The following NTRK2 variants were observed in gnomAD, a reference collection of about 807,000 sequenced individuals.
NTRK2 encodes the protein BDNF/NT-3 growth factors receptor.
A neutral mutation model predicts 94.5 loss-of-function variants in NTRK2; 13 were observed. The observed-to-expected ratio is 0.14, with a 90% confidence interval of 0.09 to 0.22. The LOEUF is 0.22. Ranked by LOEUF, NTRK2 falls within the 10% of genes least tolerant of loss-of-function variation. The probability of loss-of-function intolerance (pLI) is 1.00; values close to 1 mark genes in which losing one functional copy is unlikely to be tolerated. For synonymous variants in NTRK2, 372 were observed against 407.4 expected, an observed-to-expected ratio of 0.91 and a Z score of 1.05; for missense variants, 639 against 1,071.2, an observed-to-expected ratio of 0.60 and a Z score of 5.63.
chr9:84,728,660 C>G (rs905193722), intron 9 of NTRK2, among the ~76,000 whole-genome samples: 3 of 152,020 alleles, frequency 2.0e-5, no homozygotes, highest in Non-Finnish European at 4.4e-5. Flanking sequence ...TTTTGCTTAC[C>G]CGGGCTGACT....
At chr9:84,786,088 G>A (rs532211957) in intron 12 of NTRK2, among the ~76,000 whole-genome samples, 2 of 152,266 alleles carry the variant, frequency 1.3e-5, no homozygotes, top group South Asian at 4.2e-4. Context: ...AGCACATTCA[G>A]CCACTGTATG....
intron 14 of NTRK2, chr9:84,877,189 G>C: frequency 2.8e-6 from 3 of 1,065,192 alleles, no homozygotes; most frequent in Non-Finnish European, 3.4e-6. Flanking sequence ...ATCTTAGCCA[G>C]ATTTGAGTCT....
chr9:84,969,331 A>G (rs1439432765), intron 17 of NTRK2, among the ~76,000 whole-genome samples: 1 of 152,262 alleles, frequency 6.6e-6, no homozygotes, highest in Non-Finnish European at 1.5e-5. Context: ...TTGCCTGAGC[A>G]TGAAACACTT....
At chr9:84,810,609 G>A (rs2071668532) in intron 12 of NTRK2, 1 of 1,613,908 alleles carries the variant, frequency 6.2e-7, no homozygotes, top group Admixed American at 1.7e-5. Context: ...AGAGAAAGGG[G>A]CTGTGGTGCT....
chr9:84,908,723 G>C (rs1287627419), intron 14 of NTRK2, among the ~76,000 whole-genome samples: 1 of 152,136 alleles, frequency 6.6e-6, no homozygotes, highest in Non-Finnish European at 1.5e-5. Flanking sequence ...TTATGATGCA[G>C]GTGGGACCAA....
At chr9:84,874,216 G>C in intron 14 of NTRK2, 1 of 1,065,438 alleles carries the variant, frequency 9.4e-7, no homozygotes, top group Non-Finnish European at 1.1e-6. Context: ...CACAGTTGCA[G>C]AGTAGCCTCC....
chr9:84,697,790 T>C (rs2060478470), intron 2 of NTRK2, among the ~76,000 whole-genome samples: 1 of 152,212 alleles, frequency 6.6e-6, no homozygotes, highest in South Asian at 2.1e-4. Context: ...AGCTGTTTGC[T>C]GTTTGGGTGG....
intron 15 of NTRK2, among the ~76,000 whole-genome samples, chr9:84,934,662 G>T (rs1390542704): frequency 2.0e-5 from 3 of 152,212 alleles, no homozygotes; most frequent in Non-Finnish European, 4.4e-5. Flanking sequence ...TCCAAGCTCA[G>T]CTGAAGCTTG....
intron 17 of NTRK2, among the ~76,000 whole-genome samples, chr9:84,969,480 A>T (rs1226171822): frequency 6.6e-6 from 1 of 152,246 alleles, no homozygotes; most frequent in Non-Finnish European, 1.5e-5. Context: ...TTCTGCATGC[A>T]AAAAAATAAA....
intron 6 of NTRK2, among the ~76,000 whole-genome samples, chr9:84,716,326 C>T (rs1306444478): frequency 2.0e-5 from 3 of 152,144 alleles, no homozygotes; most frequent in Non-Finnish European, 4.4e-5. Flanking sequence ...AAGGTCAGTT[C>T]ACAGGTGCCC....
chr9:84,880,634 A>C (rs912619478), intron 14 of NTRK2, among the ~76,000 whole-genome samples: 1 of 152,208 alleles, frequency 6.6e-6, no homozygotes, highest in Non-Finnish European at 1.5e-5. Flanking sequence ...GTGCTTCATA[A>C]AGTCAGGAGA....
rs201079236 is a variant in NTRK2, at chr9:84,873,773, T to C, written c.1633+6342T>C. 2.7e-5 allele frequency: 29 copies of C among 1,055,982 alleles called. No individual in the cohort carries two copies. The African/African-American group carries it at 4.6e-4, about 17-fold the overall frequency. 65.4% of individuals were successfully genotyped at this position (1,055,982 alleles called of 1,614,324 possible). On this transcript the variant is annotated intron_variant, in intron 14 of 18. Transcript: ENST00000277120. ...AGCATCTGACCATTGGGTAATATTA[T>C]TCTTTGTTATCAAAAGAGAAATATC...
intron 16 of NTRK2, among the ~76,000 whole-genome samples, chr9:84,950,563 C>A (rs2078744123): frequency 6.6e-6 from 1 of 150,954 alleles, no homozygotes; most frequent in African/African-American, 2.4e-5. Flanking sequence ...GCCTTGTATC[C>A]TCTCTAAGTT....
At chr9:84,669,143 G>T (rs2058543119), upstream of NTRK2, among the ~76,000 whole-genome samples, 1 of 152,202 alleles carries the variant, frequency 6.6e-6, no homozygotes, top group Non-Finnish European at 1.5e-5. The surrounding 1 kb of genome is among the most constrained non-coding windows in gnomAD (Gnocchi z 4.1). Flanking sequence ...AATGGGGGCG[G>T]TGATCCTTGG....
intron 12 of NTRK2, among the ~76,000 whole-genome samples, chr9:84,803,647 G>T (rs112177343): frequency 4.6e-5 from 7 of 152,276 alleles, no homozygotes; most frequent in African/African-American, 1.7e-4. Context: ...TTCACCTTGT[G>T]GGCTCCAGAT....
intron 12 of NTRK2, among the ~76,000 whole-genome samples, chr9:84,793,731 G>T (rs554261213): frequency 6.6e-6 from 1 of 152,306 alleles, no homozygotes; most frequent in South Asian, 2.1e-4. Context: ...TTCAGAGGGA[G>T]GGAAGAACAA....
chr9:84,757,273 A>G (rs2065166059), intron 12 of NTRK2, among the ~76,000 whole-genome samples: 1 of 152,228 alleles, frequency 6.6e-6, no homozygotes, highest in Non-Finnish European at 1.5e-5. Flanking sequence ...GGATGTTCCC[A>G]TCACCTTCTT....
chr9:84,787,147 A>G (rs2068200458), intron 12 of NTRK2, among the ~76,000 whole-genome samples: 1 of 151,956 alleles, frequency 6.6e-6, no homozygotes, highest in African/African-American at 2.4e-5. Flanking sequence ...AAAATACAAA[A>G]ATTGGCCAGG....
intron 14 of NTRK2, among the ~76,000 whole-genome samples, chr9:84,897,563 C>CT (rs1296694381): frequency 5.9e-5 from 9 of 152,198 alleles, no homozygotes; most frequent in African/African-American, 2.2e-4. Flanking sequence ...GGTCCCCTGC[C>CT]TGTTGTGGTG....
Sources: allele counts gnomAD v4.1 joint callset (sites outside exome capture counted in the v4.1 genomes callset), GRCh38; gene constraint gnomAD v4.1.1; non-coding constraint Gnocchi (gnomAD v3.1); transcripts MANE v1.5; gene names NCBI Gene and HGNC (gene_info 2026-07-23, HGNC 2026-07-21).